The following OLFM3 variants were observed in gnomAD, a reference collection of about 807,000 sequenced individuals.
OLFM3 encodes the protein noelin-3.
A neutral mutation model predicts 48.6 loss-of-function variants in OLFM3; 20 were observed. The observed-to-expected ratio is 0.41, with a 90% CI of 0.29 to 0.60. The LOEUF (loss-of-function observed/expected upper bound fraction) is 0.60, where lower values mean the gene tolerates loss of function less well. Among genes scored for constraint, OLFM3 ranks in the 20% least tolerant of loss-of-function variants. The pLI, the probability that OLFM3 is intolerant of heterozygous loss-of-function variation, is 0.28. For synonymous variants in OLFM3, 222 were observed against 198.1 expected (o/e 1.12, Z -1.01); for missense variants, 437 against 544.3 (o/e 0.80, Z 1.96).
intron 1 of OLFM3, among the ~76,000 whole-genome samples, chr1:101,876,817 G>A (rs1434397594): frequency 6.6e-6 from 1 of 151,932 alleles, no homozygotes; most frequent in Admixed American, 6.6e-5. Flanking sequence ...GTTGTAACAA[G>A]TCACTGTGTC....
intron 1 of OLFM3, among the ~76,000 whole-genome samples, chr1:101,965,839 T>C (rs28541803): frequency 0.18 from 27,950 of 152,194 alleles, 2,795 homozygotes; most frequent in Non-Finnish European, 0.2. Context: ...CTTCACCTCC[T>C]GCAATGTGTT....
intron 1 of OLFM3, among the ~76,000 whole-genome samples, chr1:101,912,167 C>T (rs1452892494): frequency 6.6e-6 from 1 of 152,134 alleles, no homozygotes; most frequent in Non-Finnish European, 1.5e-5. Flanking sequence ...CTCTATCAAT[C>T]ACATGCCTTT....
chr1:101,922,005 G>T (rs2101039086), intron 1 of OLFM3, among the ~76,000 whole-genome samples: 1 of 152,222 alleles, frequency 6.6e-6, no homozygotes, highest in South Asian at 2.1e-4. Context: ...GTTGCAGTGA[G>T]CAGAGATAGT....
intron 1 of OLFM3, among the ~76,000 whole-genome samples, chr1:101,984,287 A>G (rs575337561): frequency 9.6e-4 from 145 of 150,738 alleles, no homozygotes; most frequent in African/African-American, 3.2e-3. Flanking sequence ...ATTGCAGGTG[A>G]GATTTTATGG....
intron 4 of OLFM3, among the ~76,000 whole-genome samples, chr1:101,814,055 G>A (rs1654210143): frequency 6.6e-6 from 1 of 152,104 alleles, no homozygotes; most frequent in Non-Finnish European, 1.5e-5. Context: ...AGGGGACAAA[G>A]TGCTTTGCAT....
Position 101,830,827 on chromosome 1 carries a change from C to A in OLFM3, c.217G>T (p.Val73Phe). The change falls in exon 3 of 6, where the codon GTT becomes TTT. Residue 73 changes from valine to phenylalanine, a missense_variant and splice_region_variant. Coordinates refer to ENST00000370103, the MANE Select transcript of OLFM3 (RefSeq NM_058170.4). ...SRQLRQLLEK[V>F]QNMSQSIEVL... ...TCAATAGACTGGGACATGTTCTGAA[C>A]CTGTTGAACAAGAATATTGTCTGTA... is the stretch of plus-strand genomic sequence containing the variant. 6.2e-7 allele frequency: 1 copy of A among 1,612,464 alleles called. No homozygotes were observed. The highest frequency in any genetic ancestry group is 8.5e-7 in the Non-Finnish European group (1 of 1,179,390).
At position 101,804,781 on chromosome 1, in the gene OLFM3, G is replaced by A. The variant is rs1236443338; in HGVS notation, c.834C>T (p.Tyr278=). The change falls in exon 6 of 6, where the codon TAC becomes TAT. Residue 278 remains tyrosine (Y), a synonymous_variant. Transcript: ENST00000370103. This position sits in a 1 kb window ranked among gnomAD's most constrained non-coding sequence, Gnocchi z 4.5. ...FKWAGTNHVV[Y]NGSLYFNKYQ... is the part of the protein sequence containing the mutation. Reference sequence around the variant, plus strand: ...ACTTGTTAAAATAGAGTGAGCCATTGTAGACAACATGGTTAGTTCCTGCCC... The same window carrying A: ...ACTTGTTAAAATAGAGTGAGCCATTATAGACAACATGGTTAGTTCCTGCCC... 1 of 1,612,676 alleles carries A rather than the reference G, an allele frequency of 6.2e-7. No individual in the cohort carries two copies. Among genetic ancestry groups the A allele is most frequent in the African/African-American group, 1.3e-5 (1 of 74,888 alleles).
chr1:101,812,108 T>G (rs2100870989), intron 4 of OLFM3, among the ~76,000 whole-genome samples: 1 of 151,802 alleles, frequency 6.6e-6, no homozygotes, highest in South Asian at 2.1e-4. Context: ...CACCACATGT[T>G]CTCACTCATA....
intron 1 of OLFM3, chr1:101,909,900 C>A: frequency 1.1e-6 from 1 of 907,168 alleles, no homozygotes; most frequent in South Asian, 5.1e-5. Flanking sequence ...TGAGCTAAAA[C>A]GCTATCTTTC....
chr1:101,806,195 A>G lies in OLFM3; in HGVS notation c.593-13T>C. ...AGTTTGCCACATGCTGAAATTAGAG[A>G]AACACAAACGTGTTAGGTGAACGCA... is the stretch of plus-strand genomic sequence containing the variant. On this transcript the variant is annotated splice_polypyrimidine_tract_variant and intron_variant, in intron 4 of 5. Coordinates refer to ENST00000370103, the MANE Select transcript of OLFM3 (RefSeq NM_058170.4). 3 of 1,603,298 alleles carry G rather than the reference A, an allele frequency of 1.9e-6. No homozygotes were observed. The highest frequency in any genetic ancestry group is 2.2e-5 in the East Asian group (1 of 44,738).
At chr1:101,994,996 A>G (rs1314250080) in intron 1 of OLFM3, among the ~76,000 whole-genome samples, 9 of 152,226 alleles carry the variant, frequency 5.9e-5, no homozygotes, top group Non-Finnish European at 1.2e-4. Context: ...TTATTTTAAA[A>G]ATGTCTTCAT....
intron 1 of OLFM3, among the ~76,000 whole-genome samples, chr1:101,849,578 G>A (rs1656143903): frequency 6.6e-6 from 1 of 152,208 alleles, no homozygotes; most frequent in African/African-American, 2.4e-5. Context: ...TCATTTTTAT[G>A]ATGCAGGATA....
chr1:101,993,207 C>A (rs544377539), intron 1 of OLFM3, among the ~76,000 whole-genome samples: 1 of 152,204 alleles, frequency 6.6e-6, no homozygotes, highest in East Asian at 1.9e-4. Context: ...TATTTATATC[C>A]TCCTATCTTT....
At chr1:101,933,082 G>A (rs1659501534) in intron 1 of OLFM3, among the ~76,000 whole-genome samples, 2 of 151,104 alleles carry the variant, frequency 1.3e-5, no homozygotes. Context: ...GGCACCTGTA[G>A]TCCCAGCTAC....
chr1:101,949,682 G>C (rs1193311961), intron 1 of OLFM3, among the ~76,000 whole-genome samples: 3 of 152,096 alleles, frequency 2.0e-5, no homozygotes, highest in Non-Finnish European at 4.4e-5. Context: ...TGTAATCCTA[G>C]CACTTTGGGA....
At chr1:101,825,406 G>A (rs1654815199) in intron 3 of OLFM3, among the ~76,000 whole-genome samples, 161 bp from the exon 4 acceptor site, 1 of 152,188 alleles carries the variant, frequency 6.6e-6, no homozygotes. Context: ...AAGCGGTCAT[G>A]TGATTATTAC....
intron 1 of OLFM3, among the ~76,000 whole-genome samples, chr1:101,960,833 C>T (rs913377287): frequency 4.6e-5 from 7 of 152,100 alleles, no homozygotes; most frequent in African/African-American, 1.4e-4. Context: ...TAGCATCCAT[C>T]GTTAACCACT....
chr1:101,884,643 T>C (rs1035072176), intron 1 of OLFM3, among the ~76,000 whole-genome samples: 4 of 152,000 alleles, frequency 2.6e-5, no homozygotes, highest in African/African-American at 9.7e-5. Flanking sequence ...AGGACTGCCC[T>C]ATTAAAGCCT....
intron 1 of OLFM3, 48 bp downstream of exon 1, chr1:101,996,700 T>G (rs1661569383): frequency 1.3e-5 from 21 of 1,580,280 alleles, no homozygotes; most frequent in Non-Finnish European, 1.8e-5. Flanking sequence ...TTAGGTTTGT[T>G]ACATATTGCA....
Sources: allele counts gnomAD v4.1 joint callset (sites outside exome capture counted in the v4.1 genomes callset), GRCh38; gene constraint gnomAD v4.1.1; non-coding constraint Gnocchi (gnomAD v3.1); transcripts MANE v1.5; gene names NCBI Gene and HGNC (gene_info 2026-07-23, HGNC 2026-07-21).